The following MECOM variants were observed in gnomAD, a reference collection of about 807,000 sequenced individuals.
The protein encoded by MECOM is MDS1 and EVI1 complex locus.
In MECOM, 13 loss-of-function variants were observed where a neutral mutation model predicts 116.3. That is an observed-to-expected ratio of 0.11 (90% CI 0.07 to 0.18). The LOEUF (loss-of-function observed/expected upper bound fraction) is 0.18. Among genes scored for constraint, MECOM ranks in the 10% least tolerant of loss-of-function variants. The pLI, the probability that MECOM is intolerant of heterozygous loss-of-function variation, is 1.00. For missense variants in MECOM, 1,299 were observed against 1,509.0 expected (o/e 0.86, Z 2.31); for synonymous variants, 528 against 535.2 (o/e 0.99, Z 0.19).
At chr3:169,587,426 AACACACACACACACACACAC>A (rs3980637) in intron 1 of MECOM, among the ~76,000 whole-genome samples, 134 of 141,086 alleles carry the variant, frequency 9.5e-4, no homozygotes, top group East Asian at 2.9e-3. Context: ...CCCACACGCC[AACACACACACACACACACAC>A]ACACACACAC....
rs1243323409 is a variant in MECOM, at chr3:169,136,247, A to C, written c.511-4716T>G. Among the ~76,000 whole-genome samples the C allele has an allele frequency of 2.6e-5, 4 of 151,646 alleles. No homozygotes were observed. The South Asian group carries it at 8.3e-4, about 31-fold the overall frequency. On this transcript the variant is annotated intron_variant, in intron 3 of 16. Coordinates refer to ENST00000651503, the MANE Select transcript of MECOM (RefSeq NM_004991.4). Reference sequence around the variant, plus strand: ...TATTTATAAATATAAATGTGCTTAGATATATTACATATTTTATAATTTGAC... The same window carrying C: ...TATTTATAAATATAAATGTGCTTAGCTATATTACATATTTTATAATTTGAC...
intron 2 of MECOM, among the ~76,000 whole-genome samples, chr3:169,254,596 C>T (rs989297646): frequency 2.0e-5 from 3 of 152,016 alleles, no homozygotes; most frequent in African/African-American, 7.2e-5. Context: ...CAGGAATGCA[C>T]GTTGAATTAT....
At chr3:169,586,829 C>T (rs1227038825) in intron 1 of MECOM, among the ~76,000 whole-genome samples, 1 of 152,196 alleles carries the variant, frequency 6.6e-6, no homozygotes, top group African/African-American at 2.4e-5. Flanking sequence ...GCATAACCAT[C>T]TGGTAATGTT....
chr3:169,232,509 C>T (rs572680263), intron 2 of MECOM, among the ~76,000 whole-genome samples: 6 of 151,866 alleles, frequency 4.0e-5, no homozygotes, highest in East Asian at 1.9e-4. Context: ...GGAATCACAG[C>T]GAGCTGTGAA....
At chr3:169,418,016 G>A (rs1370167617) in intron 1 of MECOM, among the ~76,000 whole-genome samples, 1 of 150,516 alleles carries the variant, frequency 6.6e-6, no homozygotes, top group Non-Finnish European at 1.5e-5. Flanking sequence ...TAAATGACGA[G>A]TTAATGTGTG....
At chr3:169,639,259 G>A (rs917021653) in intron 1 of MECOM, among the ~76,000 whole-genome samples, 2 of 152,144 alleles carry the variant, frequency 1.3e-5, no homozygotes, top group Non-Finnish European at 2.9e-5. Flanking sequence ...TCAGAGATGG[G>A]CATGTATCCC....
chr3:169,283,597 C>T (rs952365428), intron 2 of MECOM, among the ~76,000 whole-genome samples: 2 of 152,112 alleles, frequency 1.3e-5, no homozygotes, highest in Non-Finnish European at 2.9e-5. Context: ...GATCTCATCT[C>T]CAGAATTTCT....
intron 1 of MECOM, among the ~76,000 whole-genome samples, chr3:169,588,195 C>A (rs1191178630): frequency 6.6e-6 from 1 of 152,162 alleles, no homozygotes; most frequent in African/African-American, 2.4e-5. Context: ...TGTAAGCACT[C>A]ATTTTATCAA....
intron 2 of MECOM, among the ~76,000 whole-genome samples, chr3:169,180,862 T>G (rs751070028): frequency 2.7e-5 from 4 of 147,340 alleles, no homozygotes; most frequent in Non-Finnish European, 6.0e-5. Flanking sequence ...GTCAAAAATT[T>G]AATTCAATAA....
chr3:169,506,783 T>C (rs1755283342), intron 1 of MECOM, among the ~76,000 whole-genome samples: 1 of 152,218 alleles, frequency 6.6e-6, no homozygotes, highest in South Asian at 2.1e-4. Context: ...AGGATAATAC[T>C]ACATTTAGTT....
intron 2 of MECOM, among the ~76,000 whole-genome samples, chr3:169,296,078 G>A (rs1485334689): frequency 6.6e-6 from 1 of 152,116 alleles, no homozygotes. Context: ...TTAAACACCT[G>A]ATGAGTGAAA....
At chr3:169,335,199 A>G (rs1292923354) in intron 2 of MECOM, among the ~76,000 whole-genome samples, 3 of 152,156 alleles carry the variant, frequency 2.0e-5, no homozygotes, top group Non-Finnish European at 4.4e-5. Context: ...AAAACTACTC[A>G]CACACATCAG....
At chr3:169,639,519 C>A (rs1773207257) in intron 1 of MECOM, among the ~76,000 whole-genome samples, 1 of 152,206 alleles carries the variant, frequency 6.6e-6, no homozygotes, top group South Asian at 2.1e-4. Flanking sequence ...GAACCAGAGT[C>A]TTGATCAAAC....
intron 2 of MECOM, among the ~76,000 whole-genome samples, chr3:169,380,799 C>T (rs1209857967): frequency 6.6e-6 from 1 of 152,070 alleles, no homozygotes; most frequent in Non-Finnish European, 1.5e-5. Context: ...TGTTTTCCTC[C>T]AATCCTCCAA....
intron 2 of MECOM, among the ~76,000 whole-genome samples, chr3:169,354,643 G>A (rs745860245): frequency 2.0e-5 from 3 of 152,020 alleles, no homozygotes; most frequent in Non-Finnish European, 2.9e-5. Flanking sequence ...AAAAGAATTC[G>A]TGTTTTATGG....
intron 2 of MECOM, among the ~76,000 whole-genome samples, chr3:169,373,937 G>A (rs1459437850): frequency 1.3e-5 from 2 of 151,840 alleles, no homozygotes; most frequent in Non-Finnish European, 2.9e-5. Context: ...TTTGTTGAAT[G>A]TCTGTGTTAT....
At chr3:169,434,577 AAGAC>A (rs749553224) in intron 1 of MECOM, among the ~76,000 whole-genome samples, 8 of 152,306 alleles carry the variant, frequency 5.3e-5, no homozygotes, top group Non-Finnish European at 1.0e-4. Context: ...ATGAAACAAA[AAGAC>A]AGCAGATTTA....
At chr3:169,495,677 C>T (rs547491809) in intron 1 of MECOM, among the ~76,000 whole-genome samples, 124 of 152,250 alleles carry the variant, frequency 8.1e-4, no homozygotes, top group African/African-American at 2.9e-3. Context: ...ATGGCCCAAA[C>T]CTGAATATAC....
At chr3:169,426,906 T>C (rs1030146036) in intron 1 of MECOM, among the ~76,000 whole-genome samples, 2 of 152,204 alleles carry the variant, frequency 1.3e-5, no homozygotes, top group African/African-American at 4.8e-5. Context: ...ATATTGTATG[T>C]ATACACGTTA....
Sources: gnomAD v4.1 joint callset for allele counts (sites outside exome capture counted in the v4.1 genomes callset) on GRCh38, gnomAD v4.1.1 for gene constraint, MANE v1.5 for transcripts, NCBI Gene and HGNC (gene_info 2026-07-23, HGNC 2026-07-21) for gene names.